The following CRIPTO variants were observed in gnomAD, a reference collection of about 807,000 sequenced individuals.
CRIPTO encodes cripto, EGF-CFC family member.
chr3:46,579,355 G>A, the CRIPTO span: 1 of 1,614,094 alleles, frequency 6.2e-7, no homozygotes, highest in East Asian at 2.2e-5. Flanking sequence ...CCGCCCATGG[G>A]GATACAGCAC....
chr3:46,580,015 C>G, the CRIPTO span: 1 of 1,614,234 alleles, frequency 6.2e-7, no homozygotes, highest in Non-Finnish European at 8.5e-7. Flanking sequence ...TAAATGCTGG[C>G]ACGGTCAGCT....
the CRIPTO span, chr3:46,581,019 A>G: frequency 5.1e-6 from 4 of 781,088 alleles, no homozygotes; most frequent in Non-Finnish European, 9.0e-6. Context: ...TCCAGGTGTG[A>G]GTGTCCTGAG....
chr3:46,576,332 G>T, the CRIPTO span, among the ~76,000 whole-genome samples: 6 of 151,766 alleles, frequency 4.0e-5, no homozygotes, highest in African/African-American at 1.5e-4. Flanking sequence ...GCCGGGCGTT[G>T]TGGCGGGCGC....
At chr3:46,579,585 A>C in the CRIPTO span, 1 of 1,153,446 alleles carries the variant, frequency 8.7e-7, no homozygotes. Flanking sequence ...ACCCAGAACC[A>C]CCACTGGCCT....
At chr3:46,578,638 G>T in the CRIPTO span, among the ~76,000 whole-genome samples, 1 of 152,182 alleles carries the variant, frequency 6.6e-6, no homozygotes, top group African/African-American at 2.4e-5. Context: ...GAACTGGGGA[G>T]GGGAGGCAGT....
At chr3:46,574,945 C>A in the CRIPTO span, among the ~76,000 whole-genome samples, 5 of 152,252 alleles carry the variant, frequency 3.3e-5, no homozygotes, top group African/African-American at 1.2e-4. Context: ...AAATGGCCAA[C>A]ACCAAGAGCA....
the CRIPTO span, chr3:46,577,769 C>T: frequency 3.2e-6 from 2 of 630,448 alleles, no homozygotes; most frequent in East Asian, 5.5e-5. Flanking sequence ...GTCAAAACGT[C>T]CAAGGCCGAA....
the CRIPTO span, chr3:46,579,807 C>A: frequency 1.2e-6 from 2 of 1,613,822 alleles, no homozygotes; most frequent in South Asian, 1.1e-5. Flanking sequence ...TTGTGCCTGC[C>A]CTCCCTCCTT....
chr3:46,575,412 C>A, the CRIPTO span, among the ~76,000 whole-genome samples: 1 of 152,262 alleles, frequency 6.6e-6, no homozygotes, highest in South Asian at 2.1e-4. Context: ...TTCTCCCCAC[C>A]CCCCATCCCA....
the CRIPTO span, chr3:46,579,452 G>A: frequency 1.2e-6 from 2 of 1,607,458 alleles, no homozygotes; most frequent in African/African-American, 1.3e-5. Context: ...ACCTAAAAGG[G>A]CACCTGGTTC....
At chr3:46,580,281 G>T in the CRIPTO span, among the ~76,000 whole-genome samples, 1 of 152,170 alleles carries the variant, frequency 6.6e-6, no homozygotes, top group African/African-American at 2.4e-5. Context: ...CTTTCAGATA[G>T]AGATGTATTT....
At chr3:46,579,602 G>A in the CRIPTO span, 1 of 1,226,236 alleles carries the variant, frequency 8.2e-7, no homozygotes, top group East Asian at 2.3e-5. Flanking sequence ...GCCTATGCAT[G>A]AAAATGACTT....
chr3:46,581,157 C>A, the CRIPTO span: 25 of 1,613,994 alleles, frequency 1.5e-5, no homozygotes, highest in Middle Eastern at 3.3e-4. Context: ...ATGAGCACCT[C>A]GTGGCTTCCA....
the CRIPTO span, among the ~76,000 whole-genome samples, chr3:46,578,646 A>T: frequency 1.3e-5 from 2 of 152,168 alleles, no homozygotes; most frequent in Non-Finnish European, 2.9e-5. Context: ...GAGGGGAGGC[A>T]GTGAGCCGAG....
chr3:46,579,215 T>G, the CRIPTO span: 1 of 1,614,198 alleles, frequency 6.2e-7, no homozygotes, highest in Non-Finnish European at 8.5e-7. Context: ...ACTCCATGAA[T>G]TGATTTTGTC....
the CRIPTO span, chr3:46,581,198 C>G: frequency 6.2e-7 from 1 of 1,614,090 alleles, no homozygotes; most frequent in African/African-American, 1.3e-5. Context: ...TCTGCACGTA[C>G]TACCACTTTT....
the CRIPTO span, chr3:46,578,969 A>T: frequency 9.2e-7 from 1 of 1,081,896 alleles, no homozygotes; most frequent in Non-Finnish European, 1.4e-6. Context: ...AAAAAGAAAG[A>T]TGGTGCTCTA....
chr3:46,577,193 C>G, the CRIPTO span: 1 of 152,512 alleles, frequency 6.6e-6, no homozygotes, highest in Non-Finnish European at 1.5e-5. Flanking sequence ...GGAATTTGCA[C>G]TTCAAGTCTG....
At chr3:46,577,840 C>G in the CRIPTO span, 1 of 1,084,186 alleles carries the variant, frequency 9.2e-7, no homozygotes, top group East Asian at 2.4e-5. Flanking sequence ...CTGGGGAAAA[C>G]GAATTTCTCA....
Sources: allele counts gnomAD v4.1 joint callset (sites outside exome capture counted in the v4.1 genomes callset), GRCh38; gene constraint gnomAD v4.1.1; transcripts MANE v1.5; gene names NCBI Gene and HGNC (gene_info 2026-07-23, HGNC 2026-07-21).